UST: variants seen among roughly 807,000 people sequenced by gnomAD.
The protein encoded by UST is uronyl 2-sulfotransferase, also known as chondroitin sulfate 2-O-sulfotransferase.
In UST, 21 loss-of-function variants were observed where a neutral mutation model predicts 45.6. The observed-to-expected ratio is 0.46, with a 90% CI of 0.33 to 0.66. The LOEUF (loss-of-function observed/expected upper bound fraction) is 0.66. Among genes scored for constraint, UST ranks in the 30% least tolerant of loss-of-function variants. UST has a pLI of 0.02. For synonymous variants in UST, 215 were observed against 200.6 expected, an observed-to-expected ratio of 1.07 and a Z score of -0.61; for missense variants, 463 against 512.4, an observed-to-expected ratio of 0.90 and a Z score of 0.93.
At chr6:148,892,426 T>C (rs1284147737) in intron 2 of UST, among the ~76,000 whole-genome samples, 1 of 152,226 alleles carries the variant, frequency 6.6e-6, no homozygotes, top group East Asian at 1.9e-4. Context: ...TCCAAAAAGA[T>C]GATGTAATAC....
At chr6:148,890,627 G>A (rs777641826) in intron 2 of UST, among the ~76,000 whole-genome samples, 52 of 152,156 alleles carry the variant, frequency 3.4e-4, no homozygotes, top group Non-Finnish European at 4.7e-4. Context: ...GCCATTTAGG[G>A]AATGGGGTGT....
intron 2 of UST, among the ~76,000 whole-genome samples, chr6:148,932,924 A>G (rs1207398669): frequency 6.6e-6 from 1 of 152,100 alleles, no homozygotes; most frequent in African/African-American, 2.4e-5. Flanking sequence ...CATATGGCAC[A>G]TGGACAGGGA....
At chr6:148,860,826 T>A (rs1475936352) in intron 1 of UST, among the ~76,000 whole-genome samples, 1 of 152,222 alleles carries the variant, frequency 6.6e-6, no homozygotes, top group African/African-American at 2.4e-5. Flanking sequence ...TGAACCAGCC[T>A]TGCATCCCAG....
At chr6:148,762,535 C>T (rs374492002) in intron 1 of UST, among the ~76,000 whole-genome samples, 2,154 of 133,768 alleles carry the variant, frequency 0.016, 25 homozygotes, top group Non-Finnish European at 0.025. Flanking sequence ...AGGCTTCTAT[C>T]TTTTTTTTTT....
chr6:148,776,100 T>C (rs1776530348), intron 1 of UST, among the ~76,000 whole-genome samples: 1 of 152,334 alleles, frequency 6.6e-6, no homozygotes, highest in Non-Finnish European at 1.5e-5. Context: ...ATTGTCCTTA[T>C]TTATTTTGGC....
chr6:149,074,015 A>G lies in UST; in HGVS notation c.1120A>G (p.Arg374Gly). The change falls in exon 8 of 8, where the codon AGG (arginine) becomes GGG (glycine). Residue 374 changes from arginine to glycine, a missense_variant. Physicochemically the swap from Arg to Gly is moderately radical, Grantham distance 125 (BLOSUM62 -2). Around this residue, in one of 2 missense-constraint regions of UST, gnomAD observed 287 missense variants for 374.2 expected, o/e 0.77. Transcript: ENST00000367463. ...LKSHVSKPPLRPHFFIPTPLE... is the reference protein window; with the variant it reads ...LKSHVSKPPLGPHFFIPTPLE... ...GTCTCACGTCAGCAAGCCCCCCCTG[A>G]GGCCACACTTCTTTATCCCAACTCC... is the stretch of plus-strand genomic sequence containing the variant. The G allele has an allele frequency of 6.2e-7, 1 of 1,614,188 alleles. No homozygotes were observed. Among genetic ancestry groups the G allele is most frequent in the Non-Finnish European group, 8.5e-7 (1 of 1,180,024 alleles).
rs1779975512 is a variant in UST, at chr6:148,934,173, C to T, written c.292-7106C>T. Among the ~76,000 whole-genome samples the T allele has an allele frequency of 6.6e-6, 1 of 152,158 alleles. No individual in the cohort carries two copies. The highest frequency in any genetic ancestry group is 1.5e-5 in the Non-Finnish European group (1 of 68,020). On this transcript the variant is annotated intron_variant, in intron 2 of 7. Coordinates refer to ENST00000367463, the MANE Select transcript of UST (RefSeq NM_005715.3). The surrounding 1 kb of genome is among the most constrained non-coding windows in gnomAD (Gnocchi z 4.1). ...GGGCTCAAGGGTGTGAAGTGACTGG[C>T]TTCTAGCACCACAGTGTCCTAGGAA...
chr6:148,755,402 AAAATAAG>A (rs1338104820), intron 1 of UST, among the ~76,000 whole-genome samples: 2 of 152,228 alleles, frequency 1.3e-5, no homozygotes, highest in East Asian at 3.8e-4. Flanking sequence ...ATATATAATC[AAAATAAG>A]AAGCTCTAAA....
At chr6:148,913,817 T>A (rs1273098763) in intron 2 of UST, among the ~76,000 whole-genome samples, 4 of 152,352 alleles carry the variant, frequency 2.6e-5, no homozygotes, top group African/African-American at 7.2e-5. Context: ...TAAATTTTTT[T>A]AAAATTATGG....
At chr6:148,877,694 T>C (rs866994897) in intron 1 of UST, among the ~76,000 whole-genome samples, 3 of 80,404 alleles carry the variant, frequency 3.7e-5, no homozygotes, top group African/African-American at 1.3e-4. Flanking sequence ...GGGTCATGTA[T>C]GAGTGTGAGG....
chr6:148,803,455 T>C (rs958136853), intron 1 of UST, among the ~76,000 whole-genome samples: 2 of 152,208 alleles, frequency 1.3e-5, no homozygotes, highest in African/African-American at 4.8e-5. Flanking sequence ...CTTTACTTCT[T>C]AAACACCTCT....
intron 1 of UST, among the ~76,000 whole-genome samples, chr6:148,852,671 G>T (rs1778129321): frequency 6.6e-6 from 1 of 152,134 alleles, no homozygotes; most frequent in Non-Finnish European, 1.5e-5. Flanking sequence ...TTTCTCTCTT[G>T]CCAATCCCCA....
Position 148,888,257 on chromosome 6 carries a change from C to T in UST, c.291+1228C>T, listed in dbSNP as rs768080983. Among the ~76,000 whole-genome samples the T allele has an allele frequency of 5.3e-5, 8 of 152,282 alleles. No individual in the cohort carries two copies. The East Asian group carries it at 7.7e-4, about 15-fold the overall frequency. ...ACCAGATCTCACAGGAACTCACTGT[C>T]GCCATGACAGCACCAAGGGGGATAG... On this transcript the variant is annotated intron_variant, in intron 2 of 7. Coordinates refer to ENST00000367463, the MANE Select transcript of UST (RefSeq NM_005715.3).
chr6:148,986,953 C>T (rs1781249643), intron 5 of UST, among the ~76,000 whole-genome samples: 1 of 152,252 alleles, frequency 6.6e-6, no homozygotes, highest in African/African-American at 2.4e-5. Flanking sequence ...TGATATACAT[C>T]ATCACCCTAC....
intron 5 of UST, among the ~76,000 whole-genome samples, chr6:148,971,015 T>G (rs909787190): frequency 6.6e-6 from 1 of 152,202 alleles, no homozygotes; most frequent in African/African-American, 2.4e-5. Flanking sequence ...TAGGGACACC[T>G]TCGACGTCCA....
intron 1 of UST, among the ~76,000 whole-genome samples, chr6:148,862,383 A>G (rs566846554): frequency 2.0e-5 from 3 of 152,164 alleles, no homozygotes; most frequent in Non-Finnish European, 4.4e-5. Context: ...TTTTGAGCCT[A>G]TGTGTGTCTC....
intron 1 of UST, among the ~76,000 whole-genome samples, chr6:148,879,772 T>G (rs184912599): frequency 2.1e-4 from 32 of 152,318 alleles, no homozygotes; most frequent in Admixed American, 2.1e-3. Context: ...CATGCATTCC[T>G]TACAATAACC....
chr6:148,939,627 C>T lies in UST; in HGVS notation c.292-1652C>T, dbSNP rs867560147. Among the ~76,000 whole-genome samples the T allele has an allele frequency of 4.6e-5, 7 of 152,234 alleles. No individual in the cohort carries two copies. The Middle Eastern group carries it at 0.01, about 222-fold the overall frequency. On this transcript the variant is annotated intron_variant, in intron 2 of 7. Transcript: ENST00000367463. ...GTGGGGAAAGAATAGAAAGAGGAGT[C>T]TTTTCAACAAATGGTGCTGTGACAA...
chr6:148,889,527 G>C (rs912665251), intron 2 of UST, among the ~76,000 whole-genome samples: 1 of 152,144 alleles, frequency 6.6e-6, no homozygotes, highest in Non-Finnish European at 1.5e-5. Flanking sequence ...GAGGGGCAAG[G>C]TGAAGCACTC....
Sources: allele counts gnomAD v4.1 joint callset (sites outside exome capture counted in the v4.1 genomes callset), GRCh38; gene constraint gnomAD v4.1.1; regional missense constraint gnomAD v4.1.1; non-coding constraint Gnocchi (gnomAD v3.1); transcripts MANE v1.5; gene names NCBI Gene and HGNC (gene_info 2026-07-23, HGNC 2026-07-21).